Variants in CCDC88C observed in about 807,000 individuals in gnomAD.
CCDC88C encodes the protein protein Daple.
CCDC88C carries 131 observed loss-of-function variants against 198.8 expected under a neutral mutation model. The observed-to-expected ratio is 0.66, with a 90% CI of 0.57 to 0.76. CCDC88C has a LOEUF of 0.76. Ranked by LOEUF, CCDC88C falls within the 30% of genes least tolerant of loss-of-function variation. CCDC88C has a pLI of 0.00. For missense variants in CCDC88C, 2,553 were observed against 2,631.6 expected, an observed-to-expected ratio of 0.97 and a Z score of 0.65; for synonymous variants, 1,166 against 1,114.7, an observed-to-expected ratio of 1.05 and a Z score of -0.92.
rs1892066776 is a variant in CCDC88C, at chr14:91,315,765, A to G, written c.1550T>C (p.Leu517Pro). Residue 517 changes from leucine (L) to proline (P), a missense_variant, in exon 14 of 30, where the codon CTG becomes CCG. Around this residue, in one of 2 missense-constraint regions of CCDC88C, gnomAD observed 1,260 missense variants for 1,412.0 expected, o/e 0.89. Coordinates refer to ENST00000389857, the MANE Select transcript of CCDC88C (RefSeq NM_001080414.4). The part of the protein sequence containing the change: ...SKKIEKLQTQ[L>P]EREKQSNQDL... ...TTGGTTGCTCTGCTTTTCTCTCTCC[A>G]GCTGGGTTTGTAACTTTTCAATCTG... 1 of 1,613,094 alleles carries G rather than the reference A, an allele frequency of 6.2e-7. No individual in the cohort carries two copies. Among genetic ancestry groups the G allele is most frequent in the African/African-American group, 1.3e-5 (1 of 74,866 alleles).
chr14:91,333,335 T>G (rs1892911333), intron 10 of CCDC88C, among the ~76,000 whole-genome samples: 1 of 152,228 alleles, frequency 6.6e-6, no homozygotes, highest in Admixed American at 6.5e-5. Context: ...CCAACAACTT[T>G]ATCTAGCAGC....
At chr14:91,296,969 G>A (rs998603915) in intron 22 of CCDC88C, among the ~76,000 whole-genome samples, 2 of 152,190 alleles carry the variant, frequency 1.3e-5, no homozygotes, top group African/African-American at 4.8e-5. Flanking sequence ...ACTTCTCTAG[G>A]ACAGTGTGAC....
At chr14:91,389,720 A>G (rs903215450) in intron 3 of CCDC88C, among the ~76,000 whole-genome samples, 3 of 143,914 alleles carry the variant, frequency 2.1e-5, no homozygotes, top group Non-Finnish European at 3.1e-5. Context: ...GCTCTATTTA[A>G]AAAATAAAAA....
In CCDC88C at chr14:91,338,202, C is replaced by A. The variant is rs755786081; in HGVS notation, c.892-39G>T. ...AAAGGCAGGAGAACCTAGCTTAGGG[C>A]ATCCTCTAGGAAGGGCAGAAAGGCC... On this transcript the variant is annotated intron_variant, in intron 9 of 29. Transcript: ENST00000389857. The surrounding 1 kb of genome is among the most constrained non-coding windows in gnomAD (Gnocchi z 4.8). 8.7e-6 allele frequency: 14 copies of A among 1,606,390 alleles called. No individual in the cohort carries two copies. In the African/African-American group the frequency reaches 1.2e-4, roughly 14 times the overall value.
At chr14:91,309,609 C>CAAAA (rs376702299) in intron 16 of CCDC88C, among the ~76,000 whole-genome samples, 18 of 114,412 alleles carry the variant, frequency 1.6e-4, no homozygotes, top group African/African-American at 2.9e-4. Context: ...GACCCTGTCT[C>CAAAA]AAAAAAAAAA....
rs1014013677 is a variant in CCDC88C, at chr14:91,352,305, C to T, written c.340+7337G>A. Among the ~76,000 whole-genome samples, 24 of 152,162 alleles carry T rather than the reference C, an allele frequency of 1.6e-4. 1 individual carries two copies. Among genetic ancestry groups the T allele is most frequent in the East Asian group, 1.9e-4 (1 of 5,180 alleles). Reference sequence around the variant, plus strand: ...AGATCCGCGGGTGCTTGGAGGCCGGCGTGTGGGCCGCACTGTGACGCTCGG... The same window carrying T: ...AGATCCGCGGGTGCTTGGAGGCCGGTGTGTGGGCCGCACTGTGACGCTCGG... On this transcript the variant is annotated intron_variant, in intron 4 of 29. Coordinates refer to ENST00000389857, the MANE Select transcript of CCDC88C (RefSeq NM_001080414.4). The surrounding 1 kb of genome is among the most constrained non-coding windows in gnomAD (Gnocchi z 4.2).
rs1893348703 is a variant in CCDC88C at position 91,342,379 on chromosome 14, C to G, written c.483+1G>C. 1 of 1,582,114 alleles carries G rather than the reference C, an allele frequency of 6.3e-7. No individual in the cohort carries two copies. Among genetic ancestry groups the G allele is most frequent in the Non-Finnish European group, 8.6e-7 (1 of 1,162,222 alleles). On this transcript the variant is annotated splice_donor_variant, in intron 6 of 29. Transcript: ENST00000389857. LOFTEE classifies it high-confidence loss of function. ...AGCCCACCACGAGGCCACGCACCTA[C>G]CTCCTGGATATGGGCCACGATGCCA... is the stretch of plus-strand genomic sequence containing the variant.
intron 26 of CCDC88C, among the ~76,000 whole-genome samples, chr14:91,282,766 G>A (rs1017600251): frequency 2.0e-5 from 3 of 152,200 alleles, no homozygotes; most frequent in African/African-American, 2.4e-5. Flanking sequence ...GTTCAGAGAC[G>A]CTATCCTTTC....
At position 91,338,142 on chromosome 14, in the gene CCDC88C, C is replaced by T. The variant is rs755409670; in HGVS notation, c.913G>A (p.Ala305Thr). ...TCTCGATAGGCACGAGCAGACCGGG[C>T]GTCTGCCGCTAGCTGGATGTTCTGC... ...KQENIQLAADARSARAYRDEL... is the reference protein window; with the variant it reads ...KQENIQLAADTRSARAYRDEL... Residue 305 changes from alanine (A) to threonine (T), a missense_variant, in exon 10 of 30, where the codon GCC becomes ACC. By Grantham distance (58) the Ala-to-Thr change is moderately conservative. Coordinates refer to ENST00000389857, the MANE Select transcript of CCDC88C (RefSeq NM_001080414.4). The surrounding 1 kb of genome is among the most constrained non-coding windows in gnomAD (Gnocchi z 4.8). 39 of 1,613,678 alleles carry T rather than the reference C, an allele frequency of 2.4e-5. No individual in the cohort carries two copies. The highest frequency in any genetic ancestry group is 1.9e-5 in the Non-Finnish European group (22 of 1,179,848).
Position 91,288,922 on chromosome 14 carries a change from C to A in CCDC88C, c.4441+183G>T. ...AAAATATAAAATAAAGTAACAAAAG[C>A]ATTATGGGACAAAACGGTCGCCACG... is the stretch of plus-strand genomic sequence containing the variant. On this transcript the variant is annotated intron_variant, in intron 25 of 29. Transcript: ENST00000389857. This position sits in a 1 kb window ranked among gnomAD's most constrained non-coding sequence, Gnocchi z 4.2. 1.8e-6 allele frequency: 1 copy of A among 559,986 alleles called. No individual in the cohort carries two copies. The highest frequency in any genetic ancestry group is 3.1e-5 in the Admixed American group (1 of 32,142). The allele number at this position is 559,986 out of a possible 1,614,324, so 34.7% of individuals were successfully genotyped here. A position where few individuals can be genotyped will look rare whatever the true frequency, so the allele number is the denominator to read the frequency against.
At chr14:91,377,115 A>G (rs1884478794) in intron 3 of CCDC88C, among the ~76,000 whole-genome samples, 1 of 152,136 alleles carries the variant, frequency 6.6e-6, no homozygotes, top group South Asian at 2.1e-4. Context: ...CCCCACCTGA[A>G]CAAACAAGCT....
At position 91,272,941 on chromosome 14, in the gene CCDC88C, G is replaced by C. The variant is rs1173233931; in HGVS notation, c.5771C>G (p.Ser1924Cys). 6.4e-7 allele frequency: 1 copy of C among 1,564,126 alleles called. No homozygotes were observed. The highest frequency in any genetic ancestry group is 8.6e-7 in the Non-Finnish European group (1 of 1,159,876). Residue 1924 changes from serine (S) to cysteine (C), a missense_variant, in exon 30 of 30, where the codon TCC (serine) becomes TGC (cysteine). By Grantham distance (112) the Ser-to-Cys change is moderately radical (BLOSUM62 -1). Coordinates refer to ENST00000389857, the MANE Select transcript of CCDC88C (RefSeq NM_001080414.4). ...GAAAAGSGSN[S>C]QLLHFSPAAA... ...AGCAGGTGAGAAGTGCAGGAGCTGGGAGTTGCTGCCACTGCCAGCAGCAGC... is the reference window on the plus strand; with the variant it reads ...AGCAGGTGAGAAGTGCAGGAGCTGGCAGTTGCTGCCACTGCCAGCAGCAGC...
rs372867531 is a variant in CCDC88C at position 91,339,125 on chromosome 14, C to T, written c.809+153G>A. 5.7e-6 allele frequency: 5 copies of T among 871,130 alleles called. No individual in the cohort carries two copies. Among genetic ancestry groups the T allele is most frequent in the African/African-American group, 3.3e-5 (2 of 60,140 alleles). The allele number at this position is 871,130 out of a possible 1,614,324, so 54.0% of individuals were successfully genotyped here. ...GCCTCAGAAGGGGAGGCAGCTAGTC[C>T]GAGGTCAAAGAGTAAGCTCAGGGCA... On this transcript the variant is annotated intron_variant, in intron 8 of 29. Transcript: ENST00000389857. The surrounding 1 kb of genome is among the most constrained non-coding windows in gnomAD (Gnocchi z 5.8).
At position 91,297,376 on chromosome 14, in the gene CCDC88C, G is replaced by A. The variant is rs142539336; in HGVS notation, c.3895C>T (p.Arg1299Cys). The part of the protein sequence containing the change: ...AQLELNRWQA[R>C]FDELKEQHQT... ...TGCTGCTCCTTCAGCTCGTCGAAGC[G>A]GGCCTGCCAGCGGTTGAGCTCCAGC... is the stretch of plus-strand genomic sequence containing the variant. The change falls in exon 22 of 30, where the codon CGC becomes TGC. Residue 1299 changes from arginine (R) to cysteine (C), a missense_variant. Physicochemically the swap from Arg to Cys is radical, Grantham distance 180. This residue lies in a region of CCDC88C where 1,293 missense variants were observed against 1,219.6 expected (regional missense o/e 1.06). Transcript: ENST00000389857. The A allele has an allele frequency of 6.7e-3, 10,753 of 1,613,446 alleles. 45 individuals carry two copies. The highest frequency in any genetic ancestry group is 8.0e-3 in the Non-Finnish European group (9,453 of 1,179,700).
intron 15 of CCDC88C, among the ~76,000 whole-genome samples, chr14:91,312,490 C>G (rs1210065495): frequency 6.6e-6 from 1 of 152,176 alleles, no homozygotes; most frequent in Non-Finnish European, 1.5e-5. Context: ...CGAGACCAGC[C>G]TGGCCAACAT....
intron 3 of CCDC88C, among the ~76,000 whole-genome samples, chr14:91,389,843 C>T (rs865802194): frequency 1.2e-4 from 18 of 151,862 alleles, no homozygotes; most frequent in Middle Eastern, 3.4e-3. Context: ...GAGGCCGAGG[C>T]GGGCGGATCA....
In CCDC88C at chr14:91,290,320, A is replaced by G. The variant is rs112351273; in HGVS notation, c.4202+675T>C. Among the ~76,000 whole-genome samples the G allele has an allele frequency of 4.3e-3, 662 of 152,294 alleles. 6 individuals are homozygous for G. Among genetic ancestry groups the G allele is most frequent in the African/African-American group, 0.015 (614 of 41,574 alleles). On this transcript the variant is annotated intron_variant, in intron 24 of 29. Transcript: ENST00000389857. Reference sequence around the variant, plus strand: ...ACAATAAGCACACACACAAAAACCAAAAACAGACTGAGGTTCGGAAATTCT... The same window carrying G: ...ACAATAAGCACACACACAAAAACCAGAAACAGACTGAGGTTCGGAAATTCT...
chr14:91,387,384 C>T (rs892728207), intron 3 of CCDC88C, among the ~76,000 whole-genome samples: 4 of 152,166 alleles, frequency 2.6e-5, no homozygotes, highest in African/African-American at 9.7e-5. Context: ...GGTTACACTC[C>T]GCTGCGTCTT....
chr14:91,328,989 C>T (rs2139838471), intron 10 of CCDC88C, among the ~76,000 whole-genome samples: 1 of 152,310 alleles, frequency 6.6e-6, no homozygotes, highest in East Asian at 1.9e-4. Flanking sequence ...CCGTATGGTT[C>T]CCTAAGGGGG....
Sources: gnomAD v4.1 joint callset for allele counts (sites outside exome capture counted in the v4.1 genomes callset) on GRCh38, gnomAD v4.1.1 for gene constraint, gnomAD v4.1.1 regional missense constraint, Gnocchi (gnomAD v3.1) non-coding constraint, MANE v1.5 for transcripts, NCBI Gene and HGNC (gene_info 2026-07-23, HGNC 2026-07-21) for gene names.